Variants in GFRA1 observed in about 807,000 individuals in gnomAD.
GFRA1 encodes the protein GDNF family receptor alpha 1.
A neutral mutation model predicts 51.6 loss-of-function variants in GFRA1; 16 were observed. The observed-to-expected ratio is 0.31, with a 90% CI of 0.21 to 0.47. The LOEUF (loss-of-function observed/expected upper bound fraction) is 0.47, where lower values mean the gene tolerates loss of function less well. Ranked by LOEUF, GFRA1 falls within the 20% of genes least tolerant of loss-of-function variation. The pLI, the probability that GFRA1 is intolerant of heterozygous loss-of-function variation, is 1.00. For missense variants in GFRA1, 530 were observed against 594.3 expected (o/e 0.89, Z 1.13); for synonymous variants, 270 against 241.3 (o/e 1.12, Z -1.10).
intron 5 of GFRA1, among the ~76,000 whole-genome samples, chr10:116,158,095 T>C (rs1007538405): frequency 1.3e-5 from 2 of 152,202 alleles, no homozygotes; most frequent in South Asian, 2.1e-4. Context: ...TCCTCAGGAA[T>C]AGTCCCTGAA....
intron 6 of GFRA1, among the ~76,000 whole-genome samples, chr10:116,116,987 G>C (rs1957436385): frequency 6.6e-6 from 1 of 152,168 alleles, no homozygotes; most frequent in South Asian, 2.1e-4. Context: ...AGGCTGAACG[G>C]TGTAAGAACA....
intron 4 of GFRA1, among the ~76,000 whole-genome samples, chr10:116,249,294 GC>G (rs1302095273): frequency 2.6e-4 from 40 of 152,164 alleles, no homozygotes; most frequent in African/African-American, 9.6e-4. Flanking sequence ...AGGCTGTGAG[GC>G]CTGCAATTGC....
intron 5 of GFRA1, among the ~76,000 whole-genome samples, chr10:116,160,740 C>T (rs60832902): frequency 0.05 from 7,601 of 152,256 alleles, 694 homozygotes; most frequent in African/African-American, 0.17. Flanking sequence ...ACAAATCATG[C>T]ATTTAGACAA....
At chr10:116,231,571 CT>C (rs1350503404) in intron 4 of GFRA1, among the ~76,000 whole-genome samples, 3 of 152,046 alleles carry the variant, frequency 2.0e-5, no homozygotes, top group Non-Finnish European at 4.4e-5. Flanking sequence ...CAAGGTAAAG[CT>C]TTTTTTCTGA....
At chr10:116,121,765 C>T (rs1659718155) in intron 6 of GFRA1, among the ~76,000 whole-genome samples, 2 of 152,080 alleles carry the variant, frequency 1.3e-5, no homozygotes, top group South Asian at 4.1e-4. Context: ...CAAATGAGAC[C>T]TCAAGTCATC....
intron 4 of GFRA1, among the ~76,000 whole-genome samples, chr10:116,220,191 T>A (rs959494774): frequency 1.3e-5 from 2 of 152,326 alleles, no homozygotes; most frequent in African/African-American, 4.8e-5. Flanking sequence ...CAAGATATTA[T>A]CTCAGTTTTA....
intron 5 of GFRA1, among the ~76,000 whole-genome samples, chr10:116,145,147 TCAAAA>T (rs1958742697): frequency 2.0e-4 from 1 of 4,894 alleles, no homozygotes; most frequent in Non-Finnish European, 5.1e-4. Context: ...AGACTCTGTC[TCAAAA>T]AAAAAAAAAA....
At chr10:116,099,263 G>C (rs942814059) in intron 6 of GFRA1, among the ~76,000 whole-genome samples, 3 of 152,170 alleles carry the variant, frequency 2.0e-5, no homozygotes, top group East Asian at 1.9e-4. Flanking sequence ...CCATGGTGGA[G>C]GGATTTACAC....
At chr10:116,236,001 G>A (rs1223019492) in intron 4 of GFRA1, among the ~76,000 whole-genome samples, 2 of 152,262 alleles carry the variant, frequency 1.3e-5, no homozygotes, top group South Asian at 2.1e-4. Flanking sequence ...AGCCTGCACA[G>A]ACTAAGACAC....
intron 5 of GFRA1, among the ~76,000 whole-genome samples, chr10:116,187,918 C>T (rs961359398): frequency 6.6e-6 from 1 of 152,090 alleles, no homozygotes; most frequent in Non-Finnish European, 1.5e-5. Flanking sequence ...TCACCCCTCC[C>T]CACGCCCTGC....
At chr10:116,088,706 G>T (rs188375379) in intron 9 of GFRA1, among the ~76,000 whole-genome samples, 191 of 152,064 alleles carry the variant, frequency 1.3e-3, no homozygotes, top group Non-Finnish European at 2.5e-4. Flanking sequence ...AGATCACAAG[G>T]TCGGGAGATC....
At chr10:116,154,159 C>T (rs563881041) in intron 5 of GFRA1, among the ~76,000 whole-genome samples, 6 of 152,230 alleles carry the variant, frequency 3.9e-5, no homozygotes, top group South Asian at 2.1e-4. Context: ...AGGACCACTT[C>T]GGAAGTCTAA....
intron 6 of GFRA1, among the ~76,000 whole-genome samples, chr10:116,098,393 G>A (rs952186394): frequency 3.3e-5 from 5 of 152,202 alleles, no homozygotes; most frequent in African/African-American, 1.2e-4. Flanking sequence ...TCTGTAGCCT[G>A]GCTAAAGGAT....
chr10:116,096,642 T>C lies in GFRA1; in HGVS notation c.880+13A>G, dbSNP rs766571613. ...CCACACTCTTCTCCCATCCTGCTTC[T>C]CTCGGATCTTACCAATAAGCCCCGA... On this transcript the variant is annotated intron_variant, in intron 7 of 10. Coordinates refer to ENST00000355422, the MANE Select transcript of GFRA1 (RefSeq NM_005264.8). 3 of 1,433,258 alleles carry C rather than the reference T, an allele frequency of 2.1e-6. No individual in the cohort carries two copies. Among genetic ancestry groups the C allele is most frequent in the African/African-American group, 2.8e-5 (2 of 71,358 alleles). The allele number at this position is 1,433,258 out of a possible 1,614,324, so 88.8% of individuals were successfully genotyped here.
At chr10:116,271,731 C>T (rs1843956345) in intron 2 of GFRA1, among the ~76,000 whole-genome samples, 1 of 152,202 alleles carries the variant, frequency 6.6e-6, no homozygotes, top group African/African-American at 2.4e-5. Context: ...GGCTGGAGGG[C>T]TTCTTAGTCC....
intron 5 of GFRA1, among the ~76,000 whole-genome samples, chr10:116,160,319 A>G (rs944499236): frequency 6.6e-6 from 1 of 152,252 alleles, no homozygotes; most frequent in Non-Finnish European, 1.5e-5. Flanking sequence ...TATACTCCAA[A>G]ACTCTTATAA....
At chr10:116,132,283 A>T (rs1958135972) in intron 5 of GFRA1, among the ~76,000 whole-genome samples, 1 of 152,196 alleles carries the variant, frequency 6.6e-6, no homozygotes. Flanking sequence ...CTGGTTAGTC[A>T]TATGTGTGCT....
At chr10:116,085,150 G>A (rs1354422890) in intron 9 of GFRA1, among the ~76,000 whole-genome samples, 1 of 152,116 alleles carries the variant, frequency 6.6e-6, no homozygotes, top group African/African-American at 2.4e-5. Flanking sequence ...AACCATGGAT[G>A]CGTCCTATAT....
Position 116,085,655 on chromosome 10 carries a change from T to C in GFRA1, c.1197+4086A>G, listed in dbSNP as rs375200846. On this transcript the variant is annotated intron_variant, in intron 9 of 10. Coordinates refer to ENST00000355422, the MANE Select transcript of GFRA1 (RefSeq NM_005264.8). ...TAAATCAGCTGGAGGGACCACATTC[T>C]TGGGATGAAGGCCCTTCACTCATCA... 3.9e-5 allele frequency among the ~76,000 whole-genome samples: 6 copies of C among 152,168 alleles called. No homozygotes were observed. In the South Asian group the frequency reaches 1.2e-3, roughly 32 times the overall value.
Sources: gnomAD v4.1 joint callset for allele counts (sites outside exome capture counted in the v4.1 genomes callset) on GRCh38, gnomAD v4.1.1 for gene constraint, MANE v1.5 for transcripts, NCBI Gene and HGNC (gene_info 2026-07-23, HGNC 2026-07-21) for gene names.